Variants in PTPN2 observed in about 807,000 individuals in gnomAD.
The protein encoded by PTPN2 is protein tyrosine phosphatase non-receptor type 2, also known as tyrosine-protein phosphatase non-receptor type 2.
Under a neutral mutation model 57.3 loss-of-function variants are expected in PTPN2, and 19 were observed. The observed-to-expected ratio is 0.33, with a 90% CI of 0.23 to 0.49. The LOEUF (loss-of-function observed/expected upper bound fraction) is 0.49. Ranked by LOEUF, PTPN2 falls within the 20% of genes least tolerant of loss-of-function variation. The pLI, the probability that PTPN2 is intolerant of heterozygous loss-of-function variation, is 0.99. For missense variants in PTPN2, 358 were observed against 501.1 expected (o/e 0.71, Z 2.73); for synonymous variants, 153 against 164.9 (o/e 0.93, Z 0.55).
chr18:12,794,869 C>T (rs887811724), intron 8 of PTPN2, among the ~76,000 whole-genome samples: 1 of 152,144 alleles, frequency 6.6e-6, no homozygotes, highest in African/African-American at 2.4e-5. Flanking sequence ...GCAATTCACC[C>T]GCCTTGGCCT....
intron 1 of PTPN2, chr18:12,872,348 C>A (rs894754805): frequency 6.6e-6 from 1 of 152,194 alleles, no homozygotes; most frequent in Non-Finnish European, 1.5e-5. Flanking sequence ...AATTCAGTAT[C>A]AGATTTTCCT....
chr18:12,829,950 T>C (rs962080020), intron 4 of PTPN2, among the ~76,000 whole-genome samples: 1 of 152,200 alleles, frequency 6.6e-6, no homozygotes, highest in Non-Finnish European at 1.5e-5. Flanking sequence ...TTGTTAACCA[T>C]CTAGGTTCAA....
chr18:12,837,308 C>T (rs1180668625), intron 2 of PTPN2, among the ~76,000 whole-genome samples: 1 of 152,110 alleles, frequency 6.6e-6, no homozygotes, highest in East Asian at 1.9e-4. Flanking sequence ...TATATTTCAA[C>T]CTCTTCATTT....
At chr18:12,802,539 C>A (rs761253879) in intron 7 of PTPN2, among the ~76,000 whole-genome samples, 2 of 152,076 alleles carry the variant, frequency 1.3e-5, no homozygotes, top group African/African-American at 2.4e-5. Context: ...ACATTCAATG[C>A]AAAGAGGTCC....
intron 3 of PTPN2, among the ~76,000 whole-genome samples, chr18:12,831,528 G>C (rs1256240847): frequency 6.6e-6 from 1 of 152,146 alleles, no homozygotes; most frequent in Non-Finnish European, 1.5e-5. Context: ...TCATGTTCTA[G>C]CTGCAAAGAA....
intron 5 of PTPN2, among the ~76,000 whole-genome samples, chr18:12,824,945 G>A (rs972646033): frequency 1.3e-5 from 2 of 152,118 alleles, no homozygotes; most frequent in Non-Finnish European, 2.9e-5. Flanking sequence ...AGAAAATTAG[G>A]TATGGTGGCT....
downstream of PTPN2, chr18:12,787,297 G>A (rs2040867015): frequency 6.6e-6 from 1 of 152,166 alleles, no homozygotes; most frequent in East Asian, 1.9e-4. Flanking sequence ...TATGAGGTTT[G>A]GAGTTACTGG....
intron 1 of PTPN2, among the ~76,000 whole-genome samples, chr18:12,868,264 G>A (rs1038617741): frequency 1.3e-5 from 2 of 150,800 alleles, no homozygotes; most frequent in Admixed American, 1.3e-4. Context: ...TTTTTTTTGA[G>A]ATTGAGTCTC....
chr18:12,831,158 A>G, intron 3 of PTPN2, 117 bp from the exon 4 acceptor site: 2 of 596,708 alleles, frequency 3.4e-6, no homozygotes, highest in South Asian at 4.7e-5. Context: ...GGACGGGCTT[A>G]TAAGAAGTAA....
intron 6 of PTPN2, among the ~76,000 whole-genome samples, chr18:12,815,729 G>A (rs576685064): frequency 2.5e-4 from 38 of 152,284 alleles, no homozygotes; most frequent in Admixed American, 2.3e-3. Context: ...GTTTAGTTAA[G>A]ACTCAACCGT....
At chr18:12,817,921 A>G (rs535681501) in intron 5 of PTPN2, among the ~76,000 whole-genome samples, 2 of 152,304 alleles carry the variant, frequency 1.3e-5, no homozygotes, top group Admixed American at 6.5e-5. Context: ...TGGGCAGATC[A>G]CTTGAGGTCA....
chr18:12,826,523 C>G (rs892379981), intron 4 of PTPN2, among the ~76,000 whole-genome samples: 4 of 152,194 alleles, frequency 2.6e-5, no homozygotes, highest in South Asian at 4.1e-4. Context: ...GTGTCCTATT[C>G]CCACTCCAAG....
chr18:12,852,829 A>T (rs2145449288), intron 2 of PTPN2, among the ~76,000 whole-genome samples: 1 of 152,372 alleles, frequency 6.6e-6, no homozygotes, highest in Non-Finnish European at 1.5e-5. Context: ...AAACATTTCC[A>T]GACCGGCTGA....
intron 7 of PTPN2, 142 bp downstream of exon 7, chr18:12,814,061 A>G: frequency 3.0e-6 from 2 of 670,596 alleles, no homozygotes; most frequent in Non-Finnish European, 4.8e-6. Flanking sequence ...AAATTTTACA[A>G]TTTTAAGACA....
chr18:12,793,556 CTTTTT>C lies in PTPN2; in HGVS notation c.*717_*721del. 1 of 980,258 alleles carries C rather than the reference CTTTTT, an allele frequency of 1.0e-6. No homozygotes were observed. The highest frequency in any genetic ancestry group is 1.7e-5 in the African/African-American group (1 of 57,196). The allele number at this position is 980,258 out of a possible 1,614,324, so 60.7% of individuals were successfully genotyped here. A position where few individuals can be genotyped will look rare whatever the true frequency, so the allele number is the denominator to read the frequency against. ...AACTTTTGTTTCTTTGTTTGCTTTT[CTTTTT>C]AAAATGGGGAAAACTGTAAAACATA... On this transcript the variant is annotated 3_prime_UTR_variant, in exon 9 of 9. Transcript: ENST00000309660.
Position 12,825,906 on chromosome 18 carries a change from C to A in PTPN2, c.399G>T (p.Glu133Asp). The A allele has an allele frequency of 3.1e-6, 5 of 1,611,288 alleles. No homozygotes were observed. The highest frequency in any genetic ancestry group is 4.2e-6 in the Non-Finnish European group (5 of 1,177,896). Residue 133 changes from glutamate (E) to aspartate (D), a missense_variant, in exon 5 of 9, where the codon GAG (glutamate) becomes GAT (aspartate). Coordinates refer to ENST00000309660, the MANE Select transcript of PTPN2 (RefSeq NM_002828.4). ...TGAATCCTGTTTCTTTAAACAGCAT[C>A]TCTTGGTCATCTGTTGGCCAGTACT... ...CAQYWPTDDQEMLFKETGFSV... is the reference protein window; with the variant it reads ...CAQYWPTDDQDMLFKETGFSV...
intron 1 of PTPN2, among the ~76,000 whole-genome samples, chr18:12,860,435 G>A (rs540396359): frequency 6.7e-6 from 1 of 149,502 alleles, no homozygotes; most frequent in Non-Finnish European, 1.5e-5. Context: ...CGTCTCTACT[G>A]AAACTACAAA....
intron 7 of PTPN2, 46 bp from the exon 8 acceptor site, chr18:12,802,197 T>G (rs1184413821): frequency 2.9e-6 from 4 of 1,379,374 alleles, no homozygotes; most frequent in Non-Finnish European, 3.9e-6. Flanking sequence ...CATTAAAAAT[T>G]TATTTTCCTT....
At chr18:12,870,468 G>GAC (rs2044222861) in intron 1 of PTPN2, among the ~76,000 whole-genome samples, 2 of 78,526 alleles carry the variant, frequency 2.5e-5, no homozygotes, top group Non-Finnish European at 4.2e-5. Context: ...TATATAGAGA[G>GAC]AGAGAGAGAG....
Sources: gnomAD v4.1 joint callset for allele counts (sites outside exome capture counted in the v4.1 genomes callset) on GRCh38, gnomAD v4.1.1 for gene constraint, MANE v1.5 for transcripts, NCBI Gene and HGNC (gene_info 2026-07-23, HGNC 2026-07-21) for gene names.